RGS7: variants seen among roughly 807,000 people sequenced by gnomAD.
The protein encoded by RGS7 is regulator of G protein signaling 7, also known as regulator of G-protein signaling 7.
RGS7 carries 27 observed loss-of-function variants against 81.1 expected under a neutral mutation model. That is an observed-to-expected ratio of 0.33 (90% CI 0.25 to 0.46). RGS7 has a LOEUF of 0.46. RGS7 is among the 20% of genes least tolerant of loss of function. RGS7 has a pLI of 1.00. For synonymous variants in RGS7, 208 were observed against 207.7 expected (o/e 1.00, Z -0.01); for missense variants, 396 against 607.4 (o/e 0.65, Z 3.66).
At chr1:241,185,523 C>A (rs565426764) in intron 2 of RGS7, among the ~76,000 whole-genome samples, 7 of 152,156 alleles carry the variant, frequency 4.6e-5, no homozygotes, top group Admixed American at 3.9e-4. Context: ...TTCTACTCAA[C>A]AAGAACAGAA....
At chr1:241,184,984 AT>A (rs2103332614) in intron 2 of RGS7, among the ~76,000 whole-genome samples, 1 of 152,324 alleles carries the variant, frequency 6.6e-6, no homozygotes, top group South Asian at 2.1e-4. Flanking sequence ...AAAAGAAAAT[AT>A]TATGGAAGTG....
chr1:240,937,605 G>A (rs971977066), intron 4 of RGS7, among the ~76,000 whole-genome samples: 2 of 152,184 alleles, frequency 1.3e-5, no homozygotes, highest in Middle Eastern at 3.2e-3. Context: ...GTTGGCCCAT[G>A]TGATAATGTT....
intron 3 of RGS7, among the ~76,000 whole-genome samples, chr1:241,003,611 A>C (rs2058532546): frequency 1.3e-5 from 2 of 152,152 alleles, no homozygotes; most frequent in Admixed American, 1.3e-4. Flanking sequence ...TTTTATCTTC[A>C]CTAAGGATTT....
chr1:241,298,013 T>C (rs919262282), intron 2 of RGS7, among the ~76,000 whole-genome samples: 1 of 152,106 alleles, frequency 6.6e-6, no homozygotes, highest in African/African-American at 2.4e-5. Context: ...AATCAATATA[T>C]TAATACTTTT....
chr1:241,234,249 A>G (rs2075810358), intron 2 of RGS7, among the ~76,000 whole-genome samples: 1 of 152,244 alleles, frequency 6.6e-6, no homozygotes. Flanking sequence ...CACCATGTAT[A>G]GCAAAACCTG....
At position 241,085,425 on chromosome 1, in the gene RGS7, C is replaced by T. The variant is rs1302755077; in HGVS notation, c.175+13241G>A. 2.6e-5 allele frequency among the ~76,000 whole-genome samples: 4 copies of T among 151,214 alleles called. No individual in the cohort carries two copies. The East Asian group carries it at 5.8e-4, about 22-fold the overall frequency. On this transcript the variant is annotated intron_variant, in intron 3 of 18. Transcript: ENST00000440928. ...TCGGGGACAGCTTCTCTCTCACACTCTATTTATTTATTTATTTTTGAGACA... is the reference window on the plus strand; with the variant it reads ...TCGGGGACAGCTTCTCTCTCACACTTTATTTATTTATTTATTTTTGAGACA...
chr1:240,897,317 T>C (rs1432930349), intron 6 of RGS7, among the ~76,000 whole-genome samples: 1 of 152,208 alleles, frequency 6.6e-6, no homozygotes, highest in Non-Finnish European at 1.5e-5. Context: ...TCCAACACTA[T>C]GTTGAATAGG....
At chr1:240,800,793 A>G in intron 17 of RGS7, 72 bp from the exon 18 acceptor site, 2 of 797,228 alleles carry the variant, frequency 2.5e-6, no homozygotes, top group East Asian at 2.8e-5. Flanking sequence ...AGGCACTGGC[A>G]CAATACAAAA....
intron 3 of RGS7, among the ~76,000 whole-genome samples, chr1:241,018,466 T>C (rs1382529872): frequency 6.6e-6 from 1 of 152,194 alleles, no homozygotes; most frequent in East Asian, 1.9e-4. Flanking sequence ...CAGCTATAGA[T>C]ACCAGAGGCT....
intron 3 of RGS7, among the ~76,000 whole-genome samples, chr1:241,068,075 A>G (rs2500239): frequency 0.97 from 146,681 of 150,498 alleles, 71,596 homozygotes; most frequent in East Asian, 1. Flanking sequence ...CGACTGAAAC[A>G]CATGAGTTTT....
At chr1:241,112,433 A>T (rs1378623238) in intron 2 of RGS7, among the ~76,000 whole-genome samples, 1 of 152,104 alleles carries the variant, frequency 6.6e-6, no homozygotes, top group East Asian at 1.9e-4. Flanking sequence ...TCTAACTACC[A>T]TTTTCAAAAT....
intron 2 of RGS7, among the ~76,000 whole-genome samples, chr1:241,221,060 AG>A (rs1208944289): frequency 1.4e-5 from 2 of 138,462 alleles, no homozygotes; most frequent in East Asian, 2.2e-4. Context: ...AGAAAGAAAG[AG>A]AGAGAGAGAG....
In RGS7 at chr1:241,091,188, T is replaced by C. The variant is rs79593311; in HGVS notation, c.175+7478A>G. ...AATGTATTTAAAGCCACTAACCACA[T>C]AGAAGGTTTCCAAATTACTAACTAA... On this transcript the variant is annotated intron_variant, in intron 3 of 18. Transcript: ENST00000440928. 2.1e-3 allele frequency among the ~76,000 whole-genome samples: 327 copies of C among 152,234 alleles called. 1 individual carries two copies. The highest frequency in any genetic ancestry group is 7.5e-3 in the African/African-American group (312 of 41,528).
At chr1:241,330,792 G>A (rs2081935157) in intron 2 of RGS7, among the ~76,000 whole-genome samples, 1 of 152,160 alleles carries the variant, frequency 6.6e-6, no homozygotes, top group Non-Finnish European at 1.5e-5. Flanking sequence ...CAGGGAGGGA[G>A]GTGTCAGGGG....
intron 2 of RGS7, among the ~76,000 whole-genome samples, chr1:241,325,462 T>C (rs1004755455): frequency 6.6e-6 from 1 of 152,130 alleles, no homozygotes. Flanking sequence ...CATAGGACGG[T>C]AAAAAGGGTA....
intron 9 of RGS7, among the ~76,000 whole-genome samples, chr1:240,861,045 G>T (rs1662108672): frequency 6.6e-6 from 1 of 152,164 alleles, no homozygotes; most frequent in African/African-American, 2.4e-5. Flanking sequence ...TTAGGTTTAG[G>T]ATAGGGAATT....
intron 4 of RGS7, among the ~76,000 whole-genome samples, chr1:240,947,934 A>G (rs749193141): frequency 1.3e-5 from 2 of 152,062 alleles, no homozygotes; most frequent in Non-Finnish European, 2.9e-5. Flanking sequence ...TGCTCCTCAA[A>G]CATACCAAGC....
At chr1:241,153,755 A>T (rs2068919782) in intron 2 of RGS7, among the ~76,000 whole-genome samples, 2 of 152,214 alleles carry the variant, frequency 1.3e-5, no homozygotes, top group Admixed American at 6.5e-5. Flanking sequence ...ATTTGTCCAG[A>T]ATAGGGACAG....
intron 2 of RGS7, among the ~76,000 whole-genome samples, chr1:241,230,477 G>A (rs1192965287): frequency 6.6e-6 from 1 of 152,134 alleles, no homozygotes. Context: ...GCCTCCCAAA[G>A]TTCTGGGATT....
Sources: allele counts gnomAD v4.1 joint callset (sites outside exome capture counted in the v4.1 genomes callset), GRCh38; gene constraint gnomAD v4.1.1; transcripts MANE v1.5; gene names NCBI Gene and HGNC (gene_info 2026-07-23, HGNC 2026-07-21).